Variants in UTRN observed in about 807,000 individuals in gnomAD.
The protein encoded by UTRN is utrophin, also known as dystrophin-related protein 1.
In UTRN, 283 loss-of-function variants were observed where a neutral mutation model predicts 463.9. The observed-to-expected ratio is 0.61, with a 90% CI of 0.55 to 0.67. UTRN has a LOEUF of 0.67. Among genes scored for constraint, UTRN ranks in the 30% least tolerant of loss-of-function variants. The pLI, the probability that UTRN is intolerant of heterozygous loss-of-function variation, is 0.00. For missense variants in UTRN, 3,922 were observed against 4,084.3 expected (o/e 0.96, Z 1.08); for synonymous variants, 1,442 against 1,431.5 (o/e 1.01, Z -0.17).
chr6:144,471,601 G>C (rs1468486033), intron 23 of UTRN, among the ~76,000 whole-genome samples: 2 of 152,322 alleles, frequency 1.3e-5, no homozygotes, highest in East Asian at 3.9e-4. Flanking sequence ...TACCCGTCCT[G>C]AGCATGTCTT....
In UTRN at chr6:144,344,703, T is replaced by C. The variant is rs577827255; in HGVS notation, c.79+52796T>C. On this transcript the variant is annotated intron_variant, in intron 2 of 74. Transcript: ENST00000367545. ...GAGTATTGGTAGACCTCATCCCATA[T>C]TGTATTTGATTTACTCTGTTGGCTA... Among the ~76,000 whole-genome samples the C allele has an allele frequency of 3.3e-5, 5 of 152,346 alleles. No homozygotes were observed. In the East Asian group the frequency reaches 7.7e-4, roughly 23 times the overall value.
At chr6:144,403,231 G>T in intron 3 of UTRN, 47 bp downstream of exon 3, 1 of 1,559,446 alleles carries the variant, frequency 6.4e-7, no homozygotes, top group South Asian at 1.1e-5. Context: ...GCCGCATTCT[G>T]ATTGAAGGAG....
At chr6:144,465,482 G>T (rs1789858565) in intron 23 of UTRN, among the ~76,000 whole-genome samples, 1 of 152,158 alleles carries the variant, frequency 6.6e-6, no homozygotes, top group South Asian at 2.1e-4. Flanking sequence ...AGTGTTTGTT[G>T]TTACAGTAGC....
chr6:144,804,242 C>T (rs145150248), intron 65 of UTRN, among the ~76,000 whole-genome samples: 334 of 152,134 alleles, frequency 2.2e-3, no homozygotes, highest in Non-Finnish European at 3.8e-3. Context: ...TAAATAAGTG[C>T]CCTGTGTATG....
At chr6:144,454,688 C>G (rs1275951996) in intron 19 of UTRN, among the ~76,000 whole-genome samples, 2 of 152,106 alleles carry the variant, frequency 1.3e-5, no homozygotes, top group African/African-American at 2.4e-5. Flanking sequence ...AAATAGAATA[C>G]TATAATGAAC....
Position 144,551,033 on chromosome 6 carries a change from G to C in UTRN, c.6879G>C (p.Leu2293Phe). 1.2e-6 allele frequency: 2 copies of C among 1,611,156 alleles called. No homozygotes were observed. The highest frequency in any genetic ancestry group is 1.7e-6 in the Non-Finnish European group (2 of 1,179,120). The stretch of plus-strand genomic sequence containing the variant: ...ATGTTTTTACATTGGCACAGAATTT[G>C]AAAAATAAAGCTTCCAGTTCAGATA... Reference protein sequence around the residue: ...LDYVFTLAQNLKNKASSSDMR... With the variant: ...LDYVFTLAQNFKNKASSSDMR... The change falls in exon 48 of 75, where the codon TTG (leucine) becomes TTC (phenylalanine). Residue 2293 changes from leucine to phenylalanine, a missense_variant. Transcript: ENST00000367545.
At chr6:144,675,390 C>T (rs1461951159) in intron 51 of UTRN, among the ~76,000 whole-genome samples, 1 of 152,114 alleles carries the variant, frequency 6.6e-6, no homozygotes, top group East Asian at 1.9e-4. Flanking sequence ...TGTGGGAATC[C>T]TTGGTTGTAG....
intron 23 of UTRN, among the ~76,000 whole-genome samples, chr6:144,469,970 T>A (rs1790355215): frequency 6.6e-6 from 1 of 152,128 alleles, no homozygotes; most frequent in Non-Finnish European, 1.5e-5. Flanking sequence ...CTTAATCCAT[T>A]TAACCCTTAG....
Position 144,447,599 on chromosome 6 carries a change from T to C in UTRN, c.1723-3T>C. 1.2e-6 allele frequency: 2 copies of C among 1,612,044 alleles called. No individual in the cohort carries two copies. The highest frequency in any genetic ancestry group is 1.7e-6 in the Non-Finnish European group (2 of 1,179,512). ...GTCATCTAATAAATATCTGAAATAC[T>C]AGATTTTGAAGGAAGACATGGAAAT... On this transcript the variant is annotated splice_polypyrimidine_tract_variant and splice_region_variant and intron_variant, in intron 15 of 74. Coordinates refer to ENST00000367545, the MANE Select transcript of UTRN (RefSeq NM_007124.3).
intron 59 of UTRN, among the ~76,000 whole-genome samples, chr6:144,772,535 T>G (rs974222448): frequency 6.6e-6 from 1 of 152,144 alleles, no homozygotes; most frequent in Non-Finnish European, 1.5e-5. Context: ...TAATTGTAGT[T>G]TTTACCTCCT....
chr6:144,380,374 C>A (rs527963211), intron 2 of UTRN, among the ~76,000 whole-genome samples: 1 of 152,092 alleles, frequency 6.6e-6, no homozygotes, highest in Non-Finnish European at 1.5e-5. Context: ...TATCTCTGGG[C>A]AGAGGGAAAA....
At chr6:144,643,940 C>T (rs942460411) in intron 51 of UTRN, among the ~76,000 whole-genome samples, 1 of 152,068 alleles carries the variant, frequency 6.6e-6, no homozygotes, top group Admixed American at 6.5e-5. Context: ...TCTGTCGTGT[C>T]GCATTTGTAA....
chr6:144,702,478 C>G (rs1325422688), intron 53 of UTRN, among the ~76,000 whole-genome samples: 1 of 152,166 alleles, frequency 6.6e-6, no homozygotes, highest in African/African-American at 2.4e-5. Context: ...CAATAATGAA[C>G]AAAACCAGGT....
intron 2 of UTRN, among the ~76,000 whole-genome samples, chr6:144,375,026 C>T (rs1420791010): frequency 6.6e-6 from 1 of 151,292 alleles, no homozygotes; most frequent in Non-Finnish European, 1.5e-5. Context: ...ACTATCCTTT[C>T]CATGTTTTCT....
chr6:144,587,174 A>C (rs1044517404), intron 51 of UTRN, among the ~76,000 whole-genome samples: 1 of 152,168 alleles, frequency 6.6e-6, no homozygotes, highest in Middle Eastern at 3.2e-3. Context: ...ATACAGAGTG[A>C]AACTATGGCT....
chr6:144,573,643 C>T (rs1178233885), intron 50 of UTRN, among the ~76,000 whole-genome samples: 1 of 151,966 alleles, frequency 6.6e-6, no homozygotes, highest in African/African-American at 2.4e-5. Flanking sequence ...TTACAGTGAG[C>T]TGAGATCACA....
intron 48 of UTRN, among the ~76,000 whole-genome samples, chr6:144,552,714 C>T (rs1314715705): frequency 6.6e-6 from 1 of 152,088 alleles, no homozygotes; most frequent in African/African-American, 2.4e-5. Context: ...ATAGTAACCT[C>T]GTTTTAGGGC....
intron 34 of UTRN, among the ~76,000 whole-genome samples, chr6:144,505,116 C>A (rs1794586824): frequency 6.6e-6 from 1 of 151,986 alleles, no homozygotes; most frequent in Non-Finnish European, 1.5e-5. Flanking sequence ...CCCCCTTTAT[C>A]TTTTTCTTGT....
intron 64 of UTRN, chr6:144,799,589 C>T (rs1035453540): frequency 2.9e-5 from 11 of 379,758 alleles, no homozygotes; most frequent in African/African-American, 1.7e-4. Flanking sequence ...CAGTCTACTA[C>T]TGGGAAGATA....
Sources: allele counts gnomAD v4.1 joint callset (sites outside exome capture counted in the v4.1 genomes callset), GRCh38; gene constraint gnomAD v4.1.1; transcripts MANE v1.5; gene names NCBI Gene and HGNC (gene_info 2026-07-23, HGNC 2026-07-21).